Variants in OSBPL9 observed in about 807,000 individuals in gnomAD.
The protein encoded by OSBPL9 is oxysterol binding protein like 9.
Under a neutral mutation model 106.6 loss-of-function variants are expected in OSBPL9, and 40 were observed. That is an observed-to-expected ratio of 0.38 (90% CI 0.29 to 0.49). OSBPL9 has a LOEUF of 0.49. Ranked by LOEUF, OSBPL9 falls within the 20% of genes least tolerant of loss-of-function variation. The probability of loss-of-function intolerance (pLI) is 0.97; values close to 1 mark genes in which losing one functional copy is unlikely to be tolerated. For synonymous variants in OSBPL9, 269 were observed against 295.4 expected (o/e 0.91, Z 0.92); for missense variants, 609 against 887.2 (o/e 0.69, Z 3.98).
At chr1:51,548,686 G>A in the OSBPL9 span, among the ~76,000 whole-genome samples, 4 of 152,090 alleles carry the variant, frequency 2.6e-5, no homozygotes, top group Non-Finnish European at 4.4e-5. Context: ...CACCATGTCT[G>A]GCATACCATA....
chr1:51,756,177 G>T, intron 8 of OSBPL9, 143 bp from the exon 9 acceptor site: 1 of 665,872 alleles, frequency 1.5e-6, no homozygotes, highest in Non-Finnish European at 2.6e-6. Context: ...ATGTACACAT[G>T]GAATTAAAAT....
chr1:51,559,719 A>C, the OSBPL9 span, among the ~76,000 whole-genome samples: 1 of 152,348 alleles, frequency 6.6e-6, no homozygotes, highest in East Asian at 1.9e-4. Context: ...ATGAACAAAG[A>C]TACAGTTTAA....
intron 1 of OSBPL9, among the ~76,000 whole-genome samples, chr1:51,649,475 G>A (rs1251924087): frequency 6.6e-6 from 1 of 152,146 alleles, no homozygotes; most frequent in South Asian, 2.1e-4. Flanking sequence ...ACTCTCCTAT[G>A]AATAGGAAAG....
At chr1:51,590,654 A>G (rs1038336209) in intron 1 of OSBPL9, among the ~76,000 whole-genome samples, 10 of 151,932 alleles carry the variant, frequency 6.6e-5, no homozygotes, top group Middle Eastern at 3.4e-3. Flanking sequence ...AGAAAAAAAA[A>G]GTCACGTTTA....
upstream of OSBPL9, among the ~76,000 whole-genome samples, chr1:51,574,416 G>A (rs556860624): frequency 2.6e-5 from 4 of 151,872 alleles, no homozygotes; most frequent in Non-Finnish European, 4.4e-5. Context: ...TCAGGAGTTC[G>A]AGACCAGCCT....
chr1:51,666,053 G>T (rs903347825), intron 2 of OSBPL9, among the ~76,000 whole-genome samples: 5 of 152,062 alleles, frequency 3.3e-5, no homozygotes, highest in African/African-American at 1.2e-4. Flanking sequence ...TCAACATGTT[G>T]ACCAGGCTGG....
At chr1:51,724,777 G>A (rs537023671) in intron 4 of OSBPL9, 26 of 196,550 alleles carry the variant, frequency 1.3e-4, no homozygotes, top group Non-Finnish European at 2.0e-4. Context: ...GTTTTCTCAG[G>A]TGTGACTCCA....
chr1:51,758,405 C>G (rs920439137), intron 9 of OSBPL9, among the ~76,000 whole-genome samples: 2 of 149,578 alleles, frequency 1.3e-5, no homozygotes, highest in African/African-American at 5.0e-5. Context: ...TTCGGGTAGA[C>G]TGGAATCTCC....
chr1:51,592,343 C>G (rs1040211250), intron 1 of OSBPL9, among the ~76,000 whole-genome samples: 4 of 152,006 alleles, frequency 2.6e-5, no homozygotes, highest in Non-Finnish European at 4.4e-5. Context: ...TCTCGATCTC[C>G]GGACCTCGTG....
At chr1:51,537,209 A>AC in the OSBPL9 span, among the ~76,000 whole-genome samples, 6,060 of 152,278 alleles carry the variant, frequency 0.04, 166 homozygotes, top group East Asian at 0.13. Flanking sequence ...TGAGTTATAA[A>AC]CATTACCCTT....
At chr1:51,547,604 G>A in the OSBPL9 span, among the ~76,000 whole-genome samples, 1 of 152,186 alleles carries the variant, frequency 6.6e-6, no homozygotes, top group Non-Finnish European at 1.5e-5. Flanking sequence ...AGCACTTTGG[G>A]AGGCCAAGGC....
chr1:51,673,801 T>C (rs1557671349), intron 3 of OSBPL9, among the ~76,000 whole-genome samples: 1 of 152,088 alleles, frequency 6.6e-6, no homozygotes, highest in Non-Finnish European at 1.5e-5. Flanking sequence ...CCCAGGAGTT[T>C]AAGACTGTAG....
chr1:51,580,878 T>G (rs1471638998), intron 1 of OSBPL9, among the ~76,000 whole-genome samples: 1 of 117,146 alleles, frequency 8.5e-6, no homozygotes, highest in Non-Finnish European at 1.8e-5. Context: ...ATATACTGTA[T>G]TTCCTTCTAG....
the OSBPL9 span, among the ~76,000 whole-genome samples, chr1:51,554,931 T>C: frequency 6.6e-6 from 1 of 152,214 alleles, no homozygotes. Context: ...CCAGAGGTTG[T>C]AATCAATAAT....
At chr1:51,617,602 TC>T (rs1644138827) in intron 1 of OSBPL9, among the ~76,000 whole-genome samples, 1 of 152,106 alleles carries the variant, frequency 6.6e-6, no homozygotes, top group Admixed American at 6.6e-5. Flanking sequence ...CTTTACACTG[TC>T]CCACCAAGGC....
chr1:51,604,298 G>A (rs1041585771), intron 2 of OSBPL9, among the ~76,000 whole-genome samples: 22 of 152,188 alleles, frequency 1.4e-4, no homozygotes, highest in African/African-American at 4.8e-4. Context: ...GCTCACGCCT[G>A]TAATCCCAGC....
At chr1:51,709,645 A>G (rs1450965029) in intron 3 of OSBPL9, 1 of 152,986 alleles carries the variant, frequency 6.5e-6, no homozygotes, top group Non-Finnish European at 1.5e-5. Flanking sequence ...CTCAGCGTGT[A>G]TGATACAGCC....
intron 4 of OSBPL9, among the ~76,000 whole-genome samples, chr1:51,718,373 T>C (rs1661459415): frequency 1.3e-5 from 2 of 152,226 alleles, no homozygotes; most frequent in Non-Finnish European, 2.9e-5. Context: ...ACACAAAAGA[T>C]AAATGCTTGA....
At chr1:51,715,284 A>G (rs1660824552) in intron 4 of OSBPL9, among the ~76,000 whole-genome samples, 1 of 152,200 alleles carries the variant, frequency 6.6e-6, no homozygotes. Context: ...GAAGTAGGAA[A>G]TCTTTAAGCT....
Sources: gnomAD v4.1 joint callset for allele counts (sites outside exome capture counted in the v4.1 genomes callset) on GRCh38, gnomAD v4.1.1 for gene constraint, MANE v1.5 for transcripts, NCBI Gene and HGNC (gene_info 2026-07-23, HGNC 2026-07-21) for gene names.